PABPC4L: variants seen among roughly 807,000 people sequenced by gnomAD.
The protein encoded by PABPC4L is poly(A) binding protein cytoplasmic 4 like, also known as polyadenylate-binding protein 4-like.
For missense variants in PABPC4L, 452 were observed against 451.4 expected (o/e 1.00, Z -0.01); for synonymous variants, 169 against 164.1 (o/e 1.03, Z -0.23).
chr4:134,200,158 G>T lies in PABPC4L; in HGVS notation c.862C>A (p.Arg288Ser). The T allele has an allele frequency of 6.4e-7, 1 of 1,551,602 alleles. No homozygotes were observed. The highest frequency in any genetic ancestry group is 8.7e-7 in the Non-Finnish European group (1 of 1,146,956). Residue 288 changes from arginine (R) to serine (S), a missense_variant, in exon 2 of 2, where the codon CGT (arginine) becomes AGT (serine). Transcript: ENST00000421491. The stretch of plus-strand genomic sequence containing the variant: ...TAGAGTTTTACCCCCTGGCACCCAC[G>T]AATTCGTTCCCTTTTCAGCTGCTCA... Reference protein sequence around the residue: ...MFEQLKRERIRGCQGVKLYIK... With the variant: ...MFEQLKRERISGCQGVKLYIK...
At chr4:134,182,408 T>C in the PABPC4L span, among the ~76,000 whole-genome samples, 1 of 151,908 alleles carries the variant, frequency 6.6e-6, no homozygotes, top group Non-Finnish European at 1.5e-5. Context: ...ATGCAGAAGA[T>C]TGAAACTGGA....
chr4:134,194,405 C>T (rs1729599342), downstream of PABPC4L, among the ~76,000 whole-genome samples: 1 of 151,488 alleles, frequency 6.6e-6, no homozygotes, highest in Non-Finnish European at 1.5e-5. Context: ...CTTGATTTTT[C>T]CTTGAAAAAC....
chr4:134,110,162 T>C, the PABPC4L span, among the ~76,000 whole-genome samples: 4 of 151,866 alleles, frequency 2.6e-5, no homozygotes, highest in South Asian at 8.3e-4. Flanking sequence ...GAGGGAAAAA[T>C]CAATGGTGGG....
the PABPC4L span, among the ~76,000 whole-genome samples, chr4:133,958,141 C>A: frequency 6.6e-6 from 1 of 152,158 alleles, no homozygotes; most frequent in Non-Finnish European, 1.5e-5. Flanking sequence ...TGCAGATTTT[C>A]CAAACTTTAA....
At chr4:134,009,168 G>T in the PABPC4L span, among the ~76,000 whole-genome samples, 1 of 151,470 alleles carries the variant, frequency 6.6e-6, no homozygotes, top group Admixed American at 6.6e-5. Context: ...AATAATAAAA[G>T]AAAATTTCAA....
chr4:134,078,967 CTTTTTTTTTTT>C, the PABPC4L span, among the ~76,000 whole-genome samples: 1 of 63,788 alleles, frequency 1.6e-5, no homozygotes, highest in Non-Finnish European at 2.9e-5. Context: ...CGTGCCCGGG[CTTTTTTTTTTT>C]TTTTTTTTTT....
the PABPC4L span, among the ~76,000 whole-genome samples, chr4:134,075,772 A>G: frequency 6.6e-6 from 1 of 151,916 alleles, no homozygotes; most frequent in Non-Finnish European, 1.5e-5. Flanking sequence ...TCTTATTCTT[A>G]CTTGACCATG....
At chr4:134,165,314 C>G in the PABPC4L span, among the ~76,000 whole-genome samples, 1 of 152,034 alleles carries the variant, frequency 6.6e-6, no homozygotes, top group Non-Finnish European at 1.5e-5. Flanking sequence ...AGCTTCTGCA[C>G]AGCAGAAAAG....
Position 134,199,216 on chromosome 4 carries a change from T to C in PABPC4L, c.*691A>G, listed in dbSNP as rs1729764428. On this transcript the variant is annotated 3_prime_UTR_variant, in exon 2 of 2. Transcript: ENST00000421491. Reference sequence around the variant, plus strand: ...TTTACAGTGCAAGTTACAATTTAGATTAACTAGTAAGTACCTGAATTATAG... The same window carrying C: ...TTTACAGTGCAAGTTACAATTTAGACTAACTAGTAAGTACCTGAATTATAG... The C allele has an allele frequency of 6.6e-6, 1 of 152,038 alleles. No individual in the cohort carries two copies. Among genetic ancestry groups the C allele is most frequent in the Non-Finnish European group, 1.5e-5 (1 of 67,956 alleles). The allele number at this position is 152,038 out of a possible 1,614,324, so 9.4% of individuals were successfully genotyped here. A position where few individuals can be genotyped will look rare whatever the true frequency, so the allele number is the denominator to read the frequency against.
the PABPC4L span, among the ~76,000 whole-genome samples, chr4:133,995,505 G>A: frequency 2.0e-5 from 3 of 152,238 alleles, no homozygotes; most frequent in South Asian, 2.1e-4. Context: ...AGATATCAGC[G>A]GCCTGGGTAT....
At chr4:134,024,123 T>G in the PABPC4L span, among the ~76,000 whole-genome samples, 2 of 152,162 alleles carry the variant, frequency 1.3e-5, no homozygotes, top group African/African-American at 4.8e-5. Flanking sequence ...CTGAACATCC[T>G]TTCTTGATCT....
At chr4:134,106,628 G>A in the PABPC4L span, among the ~76,000 whole-genome samples, 3 of 151,642 alleles carry the variant, frequency 2.0e-5, no homozygotes, top group Middle Eastern at 3.4e-3. Flanking sequence ...AATAGCCATA[G>A]GTAATTAATA....
At chr4:134,112,373 CGTT>C in the PABPC4L span, among the ~76,000 whole-genome samples, 16 of 151,762 alleles carry the variant, frequency 1.1e-4, no homozygotes, top group Non-Finnish European at 1.8e-4. Flanking sequence ...ATGATTTTAT[CGTT>C]GTCTCTTTTT....
the PABPC4L span, among the ~76,000 whole-genome samples, chr4:134,038,853 G>A: frequency 0.11 from 16,451 of 151,960 alleles, 941 homozygotes; most frequent in Admixed American, 0.13. Context: ...GTTATTTCTT[G>A]TCTTCTGCTA....
the PABPC4L span, among the ~76,000 whole-genome samples, chr4:134,093,783 T>C: frequency 6.6e-6 from 1 of 151,378 alleles, no homozygotes; most frequent in Non-Finnish European, 1.5e-5. Context: ...GTCATTTGGG[T>C]CTAATTTCTT....
chr4:133,986,451 T>C, the PABPC4L span, among the ~76,000 whole-genome samples: 1 of 152,036 alleles, frequency 6.6e-6, no homozygotes, highest in Admixed American at 6.6e-5. Flanking sequence ...AATTATTTGT[T>C]TGCATTTTTT....
the PABPC4L span, among the ~76,000 whole-genome samples, chr4:134,056,958 T>G: frequency 6.6e-6 from 1 of 152,098 alleles, no homozygotes; most frequent in African/African-American, 2.4e-5. Flanking sequence ...CTTGTCTTGT[T>G]CTCAATTGTA....
At chr4:134,170,664 C>T in the PABPC4L span, among the ~76,000 whole-genome samples, 2 of 152,068 alleles carry the variant, frequency 1.3e-5, no homozygotes, top group African/African-American at 4.8e-5. Flanking sequence ...TAAGAACTCA[C>T]TATCATGAGA....
the PABPC4L span, among the ~76,000 whole-genome samples, chr4:134,187,910 G>C: frequency 6.6e-6 from 1 of 151,980 alleles, no homozygotes; most frequent in Non-Finnish European, 1.5e-5. Context: ...GACTACTGAT[G>C]ATTAAAGTAA....
Sources: allele counts gnomAD v4.1 joint callset (sites outside exome capture counted in the v4.1 genomes callset), GRCh38; gene constraint gnomAD v4.1.1; transcripts MANE v1.5; gene names NCBI Gene and HGNC (gene_info 2026-07-23, HGNC 2026-07-21).